Variants in SERINC5 observed in about 807,000 individuals in gnomAD.
The protein encoded by SERINC5 is chromosome 5 open reading frame 12.
SERINC5 carries 41 observed loss-of-function variants against 63.1 expected under a neutral mutation model. The ratio of observed to expected loss-of-function variants is 0.65; its 90% CI spans 0.51 to 0.84. SERINC5 has a LOEUF of 0.84. Among genes scored for constraint, SERINC5 ranks in the 40% least tolerant of loss-of-function variants. SERINC5 has a pLI of 0.00. For synonymous variants in SERINC5, 222 were observed against 215.2 expected, an observed-to-expected ratio of 1.03 and a Z score of -0.28; for missense variants, 523 against 573.0, an observed-to-expected ratio of 0.91 and a Z score of 0.89.
rs757160079 is a variant in SERINC5 at position 80,169,458 on chromosome 5, C to T, written c.640G>A (p.Val214Ile). 6 of 1,613,958 alleles carry T rather than the reference C, an allele frequency of 3.7e-6. No homozygotes were observed. The South Asian group carries it at 5.5e-5, about 15-fold the overall frequency. Residue 214 changes from valine to isoleucine, a missense_variant, in exon 6 of 12, where the codon GTT (valine) becomes ATT (isoleucine). Physicochemically the swap from Val to Ile is conservative, Grantham distance 29. Transcript: ENST00000507668. The stretch of plus-strand genomic sequence containing the variant: ...TGTGTATAAAACACTGCCATCAAAA[C>T]CAAGCCTCCAGTGGCAATGGAATAC... The part of the protein sequence containing the change: ...IMYSIATGGL[V>I]LMAVFYTQKD...
intron 2 of SERINC5, among the ~76,000 whole-genome samples, chr5:80,181,837 C>T (rs1748448686): frequency 6.6e-6 from 1 of 152,116 alleles, no homozygotes; most frequent in East Asian, 1.9e-4. Flanking sequence ...TGGCATCTGC[C>T]CCGAAGGCTC....
intron 2 of SERINC5, among the ~76,000 whole-genome samples, chr5:80,188,693 C>T (rs796174481): frequency 2.0e-4 from 31 of 152,230 alleles, no homozygotes; most frequent in African/African-American, 7.2e-4. Context: ...CAAGACCAGC[C>T]TGGGCAGCAC....
intron 2 of SERINC5, among the ~76,000 whole-genome samples, chr5:80,199,931 A>G (rs1749725135): frequency 6.6e-6 from 1 of 152,168 alleles, no homozygotes; most frequent in African/African-American, 2.4e-5. Flanking sequence ...TGTATTACTT[A>G]AAAAAACACA....
At chr5:80,238,128 G>GA (rs1751788541) in intron 1 of SERINC5, among the ~76,000 whole-genome samples, 2 of 139,552 alleles carry the variant, frequency 1.4e-5, no homozygotes, top group African/African-American at 5.3e-5. Context: ...AAAAAGAAAA[G>GA]AAAAAAGAAA....
At chr5:80,197,032 C>CA (rs1290822195) in intron 2 of SERINC5, among the ~76,000 whole-genome samples, 3 of 152,226 alleles carry the variant, frequency 2.0e-5, no homozygotes, top group Non-Finnish European at 4.4e-5. Flanking sequence ...ACATATGCTA[C>CA]AACCTGAGTG....
chr5:80,159,088 C>A, intron 7 of SERINC5, 126 bp from the exon 8 acceptor site: 1 of 869,092 alleles, frequency 1.2e-6, no homozygotes, highest in Non-Finnish European at 1.8e-6. Context: ...ACACTTATCA[C>A]TGGAAACTTC....
At position 80,230,390 on chromosome 5, in the gene SERINC5, G is replaced by A. The variant is rs116602550; in HGVS notation, c.27+25506C>T. 2.1e-3 allele frequency among the ~76,000 whole-genome samples: 305 copies of A among 148,512 alleles called. 2 individuals are homozygous for A. The highest frequency in any genetic ancestry group is 7.3e-3 in the African/African-American group (290 of 39,638). ...TAGGAGAACCATTTGAACCCAGGAGGGTGAGGTTGCAGTGAGCCAGGATCC... is the reference window on the plus strand; with the variant it reads ...TAGGAGAACCATTTGAACCCAGGAGAGTGAGGTTGCAGTGAGCCAGGATCC... On this transcript the variant is annotated intron_variant, in intron 1 of 11. Coordinates refer to ENST00000507668, the MANE Select transcript of SERINC5 (RefSeq NM_001174072.3).
intron 1 of SERINC5, among the ~76,000 whole-genome samples, chr5:80,203,880 G>C (rs1228229589): frequency 1.3e-5 from 2 of 152,138 alleles, no homozygotes; most frequent in Non-Finnish European, 2.9e-5. Flanking sequence ...TAGAGGGTCG[G>C]AACTTTCAGG....
intron 7 of SERINC5, among the ~76,000 whole-genome samples, chr5:80,159,521 A>G (rs1248488977): frequency 2.0e-5 from 3 of 152,080 alleles, no homozygotes; most frequent in Non-Finnish European, 4.4e-5. Context: ...TGCAACTCCT[A>G]AAATCTTTGA....
intron 7 of SERINC5, among the ~76,000 whole-genome samples, chr5:80,160,969 T>G (rs1561380497): frequency 6.7e-6 from 1 of 149,762 alleles, no homozygotes; most frequent in Non-Finnish European, 1.5e-5. Flanking sequence ...TGTGTGTATA[T>G]ATATGTATAT....
intron 11 of SERINC5, among the ~76,000 whole-genome samples, chr5:80,124,460 G>A (rs1744664755): frequency 6.6e-6 from 1 of 152,144 alleles, no homozygotes; most frequent in African/African-American, 2.4e-5. Context: ...GGCTTTGTTT[G>A]TTCTTATTTG....
intron 2 of SERINC5, among the ~76,000 whole-genome samples, chr5:80,186,430 G>A (rs1048852819): frequency 6.6e-6 from 1 of 152,082 alleles, no homozygotes; most frequent in Non-Finnish European, 1.5e-5. Flanking sequence ...GAGCCACCGC[G>A]CCCGACCTGT....
intron 2 of SERINC5, among the ~76,000 whole-genome samples, chr5:80,200,559 C>T (rs1420286581): frequency 6.6e-6 from 1 of 152,074 alleles, no homozygotes; most frequent in Non-Finnish European, 1.5e-5. Context: ...CCATTTCTCG[C>T]AAGTGTGAAC....
intron 11 of SERINC5, among the ~76,000 whole-genome samples, chr5:80,125,916 C>G (rs1433723321): frequency 6.6e-6 from 1 of 152,154 alleles, no homozygotes; most frequent in Non-Finnish European, 1.5e-5. Flanking sequence ...CTATTGCCAT[C>G]TATTCATGAG....
chr5:80,219,665 G>A (rs1056949739), intron 1 of SERINC5, among the ~76,000 whole-genome samples: 1 of 152,094 alleles, frequency 6.6e-6, no homozygotes, highest in South Asian at 2.1e-4. Flanking sequence ...CAGCTGCCTC[G>A]ATGGCACCAA....
intron 8 of SERINC5, among the ~76,000 whole-genome samples, chr5:80,156,376 C>T (rs1746519166): frequency 6.6e-6 from 1 of 152,170 alleles, no homozygotes; most frequent in Admixed American, 6.5e-5. Flanking sequence ...CTTTTATTCC[C>T]AGGCCCTACA....
intron 1 of SERINC5, among the ~76,000 whole-genome samples, chr5:80,241,403 A>G (rs1001589738): frequency 2.0e-5 from 3 of 152,150 alleles, no homozygotes; most frequent in African/African-American, 7.2e-5. Context: ...CAGGAGTCGG[A>G]GGTTGCAGTG....
chr5:80,144,511 A>G (rs1056827049), intron 11 of SERINC5, among the ~76,000 whole-genome samples: 3 of 152,146 alleles, frequency 2.0e-5, no homozygotes, highest in African/African-American at 7.2e-5. Context: ...GACATTTGTT[A>G]TTATCTGCCT....
chr5:80,177,828 C>T (rs1748134195), intron 3 of SERINC5, 58 bp downstream of exon 3: 1 of 1,350,578 alleles, frequency 7.4e-7, no homozygotes, highest in Non-Finnish European at 1.0e-6. Flanking sequence ...GGATCCTGGA[C>T]TACTGTCCTG....
Sources: allele counts gnomAD v4.1 joint callset (sites outside exome capture counted in the v4.1 genomes callset), GRCh38; gene constraint gnomAD v4.1.1; transcripts MANE v1.5; gene names NCBI Gene and HGNC (gene_info 2026-07-23, HGNC 2026-07-21).